The following KLF8 variants were observed in gnomAD, a reference collection of about 807,000 sequenced individuals.
KLF8 encodes KLF transcription factor 8.
A neutral mutation model predicts 18.2 loss-of-function variants in KLF8; 10 were observed. The observed-to-expected ratio is 0.55, with a 90% CI of 0.34 to 0.93. KLF8 has a LOEUF of 0.93. KLF8 is among the 40% of genes least tolerant of loss of function. KLF8 has a pLI of 0.02. For synonymous variants in KLF8, 109 were observed against 97.3 expected (o/e 1.12, Z -0.71); for missense variants, 264 against 277.9 (o/e 0.95, Z 0.36).
chrX:55,993,921 T>C, the KLF8 span, among the ~76,000 whole-genome samples: 1 of 106,402 alleles, frequency 9.4e-6, no homozygotes, highest in South Asian at 4.2e-4. Context: ...TTTTTTTTTT[T>C]TTTTTTTTAG....
the KLF8 span, among the ~76,000 whole-genome samples, chrX:56,004,620 G>A: frequency 9.0e-6 from 1 of 111,386 alleles, no homozygotes; most frequent in Non-Finnish European, 1.9e-5. Context: ...GTGGAAGCTT[G>A]GAGAAAAAAA....
At chrX:55,994,505 A>G in the KLF8 span, among the ~76,000 whole-genome samples, 1 of 95,425 alleles carries the variant, frequency 1.0e-5, no homozygotes, top group African/African-American at 3.9e-5. Flanking sequence ...TAGTTCCTCT[A>G]TTTGTGATGT....
the KLF8 span, among the ~76,000 whole-genome samples, chrX:56,157,704 G>C: frequency 4.5e-4 from 50 of 111,793 alleles, no homozygotes; most frequent in African/African-American, 1.6e-3. Flanking sequence ...AGAAGTGTCT[G>C]TTCATATACT....
chrX:56,040,905 C>T, the KLF8 span, among the ~76,000 whole-genome samples: 168 of 57,473 alleles, frequency 2.9e-3, 2 homozygotes, highest in African/African-American at 0.012. Flanking sequence ...TTTTTTTTTC[C>T]GGTTTGTAGG....
At chrX:55,908,862 C>T in the KLF8 span, 2 of 176,704 alleles carry the variant, frequency 1.1e-5, no homozygotes, top group Middle Eastern at 1.9e-3. Context: ...CTTTTATCAC[C>T]CTCTCTGGGC....
the KLF8 span, among the ~76,000 whole-genome samples, chrX:56,041,380 G>T: frequency 2.0e-4 from 22 of 111,103 alleles, no homozygotes; most frequent in African/African-American, 7.2e-4. Context: ...CGCCCAAAGT[G>T]CTGGGATTAC....
At chrX:56,008,053 A>G in the KLF8 span, among the ~76,000 whole-genome samples, 1 of 110,395 alleles carries the variant, frequency 9.1e-6, no homozygotes, top group Admixed American at 9.6e-5. Flanking sequence ...AGCATAAGCA[A>G]TATTTTGAGA....
At chrX:56,180,209 G>A in the KLF8 span, among the ~76,000 whole-genome samples, 1 of 108,689 alleles carries the variant, frequency 9.2e-6, no homozygotes, top group African/African-American at 3.3e-5. Flanking sequence ...TTCTTCGGAA[G>A]GTGTATATGT....
At chrX:55,948,358 T>C in the KLF8 span, among the ~76,000 whole-genome samples, 1 of 111,902 alleles carries the variant, frequency 8.9e-6, no homozygotes, top group Non-Finnish European at 1.9e-5. Flanking sequence ...TGTGTTCCAA[T>C]AGTACTTTAT....
At chrX:56,062,810 T>C in the KLF8 span, among the ~76,000 whole-genome samples, 1 of 111,460 alleles carries the variant, frequency 9.0e-6, no homozygotes, top group African/African-American at 3.3e-5. Context: ...CAATGAAACA[T>C]AGATTTGGTC....
the KLF8 span, among the ~76,000 whole-genome samples, chrX:56,092,759 C>T: frequency 9.2e-6 from 1 of 108,511 alleles, no homozygotes; most frequent in African/African-American, 3.3e-5. Flanking sequence ...TTAAGATAGC[C>T]ATAATTAATA....
the KLF8 span, among the ~76,000 whole-genome samples, chrX:56,146,955 C>A: frequency 8.9e-6 from 1 of 112,378 alleles, no homozygotes; most frequent in African/African-American, 3.2e-5. Flanking sequence ...CTTCCAAAAT[C>A]TCAGCGCCAG....
the KLF8 span, among the ~76,000 whole-genome samples, chrX:56,034,227 G>A: frequency 8.9e-6 from 1 of 111,830 alleles, no homozygotes; most frequent in Non-Finnish European, 1.9e-5. Context: ...TCATTCTTCG[G>A]CATATGGATA....
chrX:55,960,974 A>G, the KLF8 span, among the ~76,000 whole-genome samples: 2 of 111,754 alleles, frequency 1.8e-5, no homozygotes, highest in East Asian at 2.8e-4. Flanking sequence ...CATAGGTTCA[A>G]TGTAAGGGAA....
the KLF8 span, among the ~76,000 whole-genome samples, chrX:55,997,210 A>G: frequency 3.6e-5 from 4 of 112,176 alleles, no homozygotes; most frequent in South Asian, 1.5e-3. Flanking sequence ...CTGGTGAGAT[A>G]GCCCTGTTAT....
At chrX:55,993,910 G>GTTT in the KLF8 span, among the ~76,000 whole-genome samples, 1 of 90,050 alleles carries the variant, frequency 1.1e-5, no homozygotes, top group Non-Finnish European at 2.2e-5. Flanking sequence ...GTTTATAGAG[G>GTTT]TTTTTTTTTT....
intron 2 of KLF8, among the ~76,000 whole-genome samples, chrX:56,261,158 T>C (rs1012813304): frequency 3.8e-4 from 43 of 111,806 alleles, no homozygotes; most frequent in African/African-American, 1.3e-3. Context: ...TTTAGTAATA[T>C]ATGAATAAAT....
At chrX:56,048,601 G>A in the KLF8 span, among the ~76,000 whole-genome samples, 2 of 111,456 alleles carry the variant, frequency 1.8e-5, no homozygotes, top group African/African-American at 3.3e-5. Flanking sequence ...TATTTATGAG[G>A]GTTCTGTTCT....
chrX:56,108,190 AT>A, the KLF8 span, among the ~76,000 whole-genome samples: 231 of 111,101 alleles, frequency 2.1e-3, 5 homozygotes, highest in South Asian at 0.027. Flanking sequence ...ATGACAATGC[AT>A]TTTTTTTAAT....
Sources: gnomAD v4.1 joint callset for allele counts (sites outside exome capture counted in the v4.1 genomes callset) on GRCh38, gnomAD v4.1.1 for gene constraint, MANE v1.5 for transcripts, NCBI Gene and HGNC (gene_info 2026-07-23, HGNC 2026-07-21) for gene names.